C3orf70: variants seen among roughly 807,000 people sequenced by gnomAD.
C3orf70 encodes the protein UPF0524 protein C3orf70.
A neutral mutation model predicts 20.7 loss-of-function variants in C3orf70; 15 were observed. The observed-to-expected ratio is 0.72, with a 90% CI of 0.48 to 1.11. The LOEUF (loss-of-function observed/expected upper bound fraction) is 1.11. Ranked by LOEUF, C3orf70 falls within the 50% of genes most tolerant of loss-of-function variation. The pLI is 0.00. For synonymous variants in C3orf70, 161 were observed against 125.7 expected, an observed-to-expected ratio of 1.28 and a Z score of -1.88; for missense variants, 332 against 317.6, an observed-to-expected ratio of 1.05 and a Z score of -0.34.
chr3:185,084,873 T>C (rs1221042821), intron 1 of C3orf70, among the ~76,000 whole-genome samples: 3 of 152,166 alleles, frequency 2.0e-5, no homozygotes, highest in African/African-American at 2.4e-5. Flanking sequence ...GTAGCCACAA[T>C]TGTGGGCATC....
chr3:185,110,836 G>A (rs1305322379), intron 1 of C3orf70, among the ~76,000 whole-genome samples: 1 of 152,192 alleles, frequency 6.6e-6, no homozygotes, highest in Non-Finnish European at 1.5e-5. Flanking sequence ...TTTCCCATAA[G>A]GGATACTTTT....
Position 185,079,163 on chromosome 3 carries a change from C to G in C3orf70, c.*3844G>C, listed in dbSNP as rs1470289716. ...AGGCATGGTGGCGGGCACCTATAGTCCCAGCTACTCAGGAGGCTGAGGCAG... is the reference window on the plus strand; with the variant it reads ...AGGCATGGTGGCGGGCACCTATAGTGCCAGCTACTCAGGAGGCTGAGGCAG... On this transcript the variant is annotated 3_prime_UTR_variant, in exon 2 of 2. Transcript: ENST00000335012. 6.6e-6 allele frequency: 1 copy of G among 151,710 alleles called. No homozygotes were observed. Among genetic ancestry groups the G allele is most frequent in the African/African-American group, 2.4e-5 (1 of 41,262 alleles). 9.4% of individuals were successfully genotyped at this position (151,710 alleles called of 1,614,324 possible).
chr3:185,103,458 G>A (rs1240890486), intron 1 of C3orf70, among the ~76,000 whole-genome samples: 2 of 151,578 alleles, frequency 1.3e-5, no homozygotes, highest in Non-Finnish European at 2.9e-5. Flanking sequence ...TACATCTGAC[G>A]AAGGTCTAAT....
chr3:185,125,441 TGGTA>T (rs1716391096), intron 1 of C3orf70, among the ~76,000 whole-genome samples: 1 of 152,140 alleles, frequency 6.6e-6, no homozygotes, highest in South Asian at 2.1e-4. Context: ...AAAACCAGTT[TGGTA>T]GTTTTTTAGA....
intron 1 of C3orf70, among the ~76,000 whole-genome samples, chr3:185,111,789 G>T (rs13327859): frequency 0.039 from 5,883 of 152,192 alleles, 342 homozygotes; most frequent in African/African-American, 0.13. Context: ...AACACAGAGA[G>T]TAAAGGAAAC....
chr3:185,112,644 AAG>A (rs1315176955), intron 1 of C3orf70, among the ~76,000 whole-genome samples: 2 of 152,158 alleles, frequency 1.3e-5, no homozygotes, highest in Non-Finnish European at 2.9e-5. Flanking sequence ...TTCTCACACA[AAG>A]GTATATAAGT....
chr3:185,091,955 ATATATATATT>A (rs1326007536), intron 1 of C3orf70, among the ~76,000 whole-genome samples: 10 of 9,262 alleles, frequency 1.1e-3, no homozygotes, highest in African/African-American at 1.7e-3. Context: ...ATATATATAT[ATATATATATT>A]TTTTTTTTTT....
In C3orf70 at chr3:185,081,597, C is replaced by T. The variant is rs1035096274; in HGVS notation, c.*1410G>A. On this transcript the variant is annotated 3_prime_UTR_variant, in exon 2 of 2. Transcript: ENST00000335012. The stretch of plus-strand genomic sequence containing the variant: ...AAATTTCCAGGATTTGAAACTATGC[C>T]TCATGGATAGAAGGTTTGGAGAAAT... 8 of 152,266 alleles carry T rather than the reference C, an allele frequency of 5.3e-5. No individual in the cohort carries two copies. The highest frequency in any genetic ancestry group is 1.9e-4 in the African/African-American group (8 of 41,498). The allele number at this position is 152,266 out of a possible 1,614,324, so 9.4% of individuals were successfully genotyped here.
intron 1 of C3orf70, among the ~76,000 whole-genome samples, chr3:185,092,167 C>G (rs1715605484): frequency 6.6e-6 from 1 of 151,598 alleles, no homozygotes; most frequent in African/African-American, 2.4e-5. Flanking sequence ...TTAATGATAT[C>G]TACTTCAGAA....
chr3:185,144,686 G>C (rs1716819608), intron 1 of C3orf70, among the ~76,000 whole-genome samples: 1 of 148,002 alleles, frequency 6.8e-6, no homozygotes, highest in South Asian at 2.2e-4. Context: ...TGGCCAGGCT[G>C]GTCTTGAACT....
intron 1 of C3orf70, among the ~76,000 whole-genome samples, chr3:185,094,218 C>T (rs1577319854): frequency 6.6e-6 from 1 of 151,212 alleles, no homozygotes; most frequent in South Asian, 2.1e-4. Flanking sequence ...GCTGGGATTA[C>T]AGGCATGAGC....
chr3:185,120,624 T>C (rs980522637), intron 1 of C3orf70, among the ~76,000 whole-genome samples: 2 of 150,024 alleles, frequency 1.3e-5, no homozygotes, highest in Admixed American at 6.7e-5. Flanking sequence ...CATGGAAAAA[T>C]GTTCAACCTC....
intron 1 of C3orf70, among the ~76,000 whole-genome samples, chr3:185,106,411 C>G (rs140082239): frequency 0.052 from 7,878 of 152,122 alleles, 665 homozygotes; most frequent in African/African-American, 0.18. Context: ...CCTGGAGCTT[C>G]TTTTAACTGT....
chr3:185,124,402 AG>A (rs1347010467), intron 1 of C3orf70, among the ~76,000 whole-genome samples: 1 of 152,212 alleles, frequency 6.6e-6, no homozygotes, highest in East Asian at 1.9e-4. Flanking sequence ...GAAAATGAAC[AG>A]TGAAGTTGGA....
At chr3:185,089,785 A>C (rs1301861423) in intron 1 of C3orf70, among the ~76,000 whole-genome samples, 2 of 152,272 alleles carry the variant, frequency 1.3e-5, no homozygotes, top group East Asian at 1.9e-4. Flanking sequence ...AAAATGAAAA[A>C]TAAAATTTTT....
intron 1 of C3orf70, among the ~76,000 whole-genome samples, chr3:185,143,160 C>G (rs540986398): frequency 3.9e-5 from 6 of 152,148 alleles, no homozygotes; most frequent in African/African-American, 1.4e-4. Context: ...GACAGGCATA[C>G]TGATATATTT....
intron 1 of C3orf70, among the ~76,000 whole-genome samples, chr3:185,098,992 C>T (rs547191195): frequency 1.7e-4 from 26 of 152,290 alleles, no homozygotes; most frequent in Admixed American, 9.1e-4. Flanking sequence ...CAATTCCTTA[C>T]GATCAGCCAA....
rs114801165 is a variant in C3orf70, at chr3:185,144,421, T to C, written c.196+8207A>G. Among the ~76,000 whole-genome samples, 1,097 of 152,306 alleles carry C rather than the reference T, an allele frequency of 7.2e-3. 9 individuals are homozygous for C. Among genetic ancestry groups the C allele is most frequent in the African/African-American group, 0.025 (1,035 of 41,562 alleles). ...CTTTTTTTGGAGGAGGGGCTGATCCTTCCCTTTACTGAATACTTGCACTAA... is the reference window on the plus strand; with the variant it reads ...CTTTTTTTGGAGGAGGGGCTGATCCCTCCCTTTACTGAATACTTGCACTAA... On this transcript the variant is annotated intron_variant, in intron 1 of 1. Transcript: ENST00000335012.
chr3:185,102,801 G>A (rs745994917), intron 1 of C3orf70, among the ~76,000 whole-genome samples: 3 of 152,148 alleles, frequency 2.0e-5, no homozygotes, highest in Non-Finnish European at 4.4e-5. Flanking sequence ...AACAAGCAAT[G>A]GGGAAAGGAA....
Sources: allele counts gnomAD v4.1 joint callset (sites outside exome capture counted in the v4.1 genomes callset), GRCh38; gene constraint gnomAD v4.1.1; transcripts MANE v1.5; gene names NCBI Gene and HGNC (gene_info 2026-07-23, HGNC 2026-07-21).